LRRC4C: variants seen among roughly 807,000 people sequenced by gnomAD.
The protein encoded by LRRC4C is leucine-rich repeat-containing protein 4C.
Under a neutral mutation model 33.6 loss-of-function variants are expected in LRRC4C, and 5 were observed. That is an observed-to-expected ratio of 0.15 (90% CI 0.08 to 0.31). The LOEUF is 0.31. Among genes scored for constraint, LRRC4C ranks in the 10% least tolerant of loss-of-function variants. The pLI is 1.00. For missense variants in LRRC4C, 560 were observed against 796.7 expected (o/e 0.70, Z 3.58); for synonymous variants, 329 against 302.0 (o/e 1.09, Z -0.93).
intron 1 of LRRC4C, among the ~76,000 whole-genome samples, chr11:41,361,858 A>G (rs1419767614): frequency 6.6e-6 from 1 of 152,186 alleles, no homozygotes; most frequent in Non-Finnish European, 1.5e-5. Flanking sequence ...TCTATATCCA[A>G]TCTGAATTCC....
intron 1 of LRRC4C, among the ~76,000 whole-genome samples, chr11:41,117,327 AC>A (rs1378147158): frequency 6.6e-6 from 1 of 152,160 alleles, no homozygotes; most frequent in Non-Finnish European, 1.5e-5. Context: ...GTTTACTGAT[AC>A]AAATTTTAAA....
intron 1 of LRRC4C, among the ~76,000 whole-genome samples, chr11:41,058,871 G>A (rs1385084612): frequency 1.3e-5 from 2 of 151,934 alleles, no homozygotes; most frequent in African/African-American, 4.8e-5. Context: ...CGAATATTAT[G>A]CAGCCATAAA....
At position 40,742,462 on chromosome 11, in the gene LRRC4C, T is replaced by C. The variant is rs140707955; in HGVS notation, c.-406-94184A>G. On this transcript the variant is annotated intron_variant, in intron 2 of 6. Coordinates refer to ENST00000528697, the MANE Select transcript of LRRC4C (RefSeq NM_001258419.2). ...ACCAATGGCTCTTCATTCAATCACA[T>C]TTTGCACCTGTGTCTGTTAAATAAT... 6.1e-3 allele frequency among the ~76,000 whole-genome samples: 925 copies of C among 152,120 alleles called. 11 individuals carry two copies. The highest frequency in any genetic ancestry group is 0.02 in the African/African-American group (851 of 41,534).
chr11:40,248,146 C>CCTGG, intron 4 of LRRC4C, among the ~76,000 whole-genome samples: 1 of 152,164 alleles, frequency 6.6e-6, no homozygotes, highest in South Asian at 2.1e-4. Flanking sequence ...TTCATCCTTC[C>CCTGG]CTGGCTAAAG....
chr11:40,569,865 G>A (rs1317385544), intron 3 of LRRC4C, among the ~76,000 whole-genome samples: 5 of 151,972 alleles, frequency 3.3e-5, no homozygotes, highest in Non-Finnish European at 7.4e-5. Flanking sequence ...TAAAAATTGT[G>A]TATACATATA....
At chr11:40,177,941 T>C (rs1860648139) in intron 5 of LRRC4C, among the ~76,000 whole-genome samples, 1 of 152,196 alleles carries the variant, frequency 6.6e-6, no homozygotes, top group African/African-American at 2.4e-5. Context: ...TGGCATCAAT[T>C]TTCATAAAGA....
intron 2 of LRRC4C, among the ~76,000 whole-genome samples, chr11:40,827,743 T>C (rs1324996717): frequency 1.3e-5 from 2 of 151,814 alleles, no homozygotes; most frequent in East Asian, 1.9e-4. Context: ...TATGGGTGCA[T>C]GTGTGTACAT....
intron 1 of LRRC4C, among the ~76,000 whole-genome samples, chr11:41,321,778 C>T (rs138945429): frequency 2.6e-5 from 4 of 152,134 alleles, no homozygotes; most frequent in African/African-American, 4.8e-5. Context: ...TTCCCAGTTA[C>T]GAGGTAGATG....
intron 5 of LRRC4C, among the ~76,000 whole-genome samples, chr11:40,165,683 C>T (rs749849130): frequency 5.9e-5 from 9 of 152,182 alleles, no homozygotes; most frequent in South Asian, 4.1e-4. Context: ...TGGTGGCTCA[C>T]GCCTGTAATC....
chr11:40,333,880 ATTG>A (rs1565283734), intron 3 of LRRC4C, among the ~76,000 whole-genome samples: 1 of 151,904 alleles, frequency 6.6e-6, no homozygotes, highest in South Asian at 2.1e-4. Context: ...TGTTGCTGGT[ATTG>A]TTGTGTGGAA....
chr11:40,125,523 C>T lies in LRRC4C; in HGVS notation c.-42-9189G>A, dbSNP rs937561926. Among the ~76,000 whole-genome samples, 28 of 151,536 alleles carry T rather than the reference C, an allele frequency of 1.8e-4. 1 individual carries two copies. Among genetic ancestry groups the T allele is most frequent in the Non-Finnish European group, 3.1e-4 (21 of 67,920 alleles). ...TTTTTCTGGTTACATGCAGCCAAAC[C>T]TATCCTCACACGTTTATGTTCATTT... On this transcript the variant is annotated intron_variant, in intron 6 of 6. Coordinates refer to ENST00000528697, the MANE Select transcript of LRRC4C (RefSeq NM_001258419.2).
At chr11:40,770,545 C>T (rs1949704625) in intron 2 of LRRC4C, among the ~76,000 whole-genome samples, 1 of 152,176 alleles carries the variant, frequency 6.6e-6, no homozygotes. Flanking sequence ...ACCTTCCCAA[C>T]AGTTCCTCAA....
chr11:40,695,867 T>C (rs1412756880), intron 2 of LRRC4C, among the ~76,000 whole-genome samples: 1 of 152,030 alleles, frequency 6.6e-6, no homozygotes, highest in Non-Finnish European at 1.5e-5. Flanking sequence ...CTCAATATTC[T>C]TAATTTAATC....
In LRRC4C at chr11:40,510,429, TATA is replaced by T. The variant is rs527879453; in HGVS notation, c.-270+137710_-270+137712del. Among the ~76,000 whole-genome samples, 904 of 152,216 alleles carry T rather than the reference TATA, an allele frequency of 5.9e-3. 12 individuals are homozygous for T. Among genetic ancestry groups the T allele is most frequent in the African/African-American group, 0.021 (864 of 41,548 alleles). ...GTGCATACACCATAAATAAAATGTTTATAATAATGACTATTTTACTCAATATTT... is the reference window on the plus strand; with the variant it reads ...GTGCATACACCATAAATAAAATGTTTATAATGACTATTTTACTCAATATTT... On this transcript the variant is annotated intron_variant, in intron 3 of 6. Transcript: ENST00000528697.
At chr11:40,702,016 TA>T (rs201463900) in intron 2 of LRRC4C, among the ~76,000 whole-genome samples, 4,872 of 152,056 alleles carry the variant, frequency 0.032, 100 homozygotes, top group Middle Eastern at 0.041. Context: ...CCAAATATTT[TA>T]AAAAAATTTA....
intron 5 of LRRC4C, among the ~76,000 whole-genome samples, chr11:40,161,024 A>G (rs925797232): frequency 6.6e-6 from 1 of 152,218 alleles, no homozygotes; most frequent in Non-Finnish European, 1.5e-5. Context: ...CTATAACCAG[A>G]TTATTTAAAT....
chr11:41,379,749 G>A (rs967400953), intron 1 of LRRC4C, among the ~76,000 whole-genome samples: 1 of 151,838 alleles, frequency 6.6e-6, no homozygotes, highest in Non-Finnish European at 1.5e-5. Context: ...GATGTTAGGG[G>A]TAAAAAAAGG....
chr11:41,284,947 G>A (rs979499133), intron 1 of LRRC4C, among the ~76,000 whole-genome samples: 2 of 152,212 alleles, frequency 1.3e-5, no homozygotes, highest in Admixed American at 6.5e-5. Flanking sequence ...CCACGGCTAA[G>A]GCAGGGGATT....
intron 4 of LRRC4C, among the ~76,000 whole-genome samples, chr11:40,271,305 T>C (rs959383750): frequency 1.3e-5 from 2 of 152,106 alleles, no homozygotes; most frequent in African/African-American, 4.8e-5. Context: ...CAACACTGAA[T>C]AGGAGAGAGA....
Sources: gnomAD v4.1 joint callset for allele counts (sites outside exome capture counted in the v4.1 genomes callset) on GRCh38, gnomAD v4.1.1 for gene constraint, MANE v1.5 for transcripts, NCBI Gene and HGNC (gene_info 2026-07-23, HGNC 2026-07-21) for gene names.